Variants in CENPP observed in about 807,000 individuals in gnomAD.
CENPP encodes centromere protein P.
Under a neutral mutation model 35.6 loss-of-function variants are expected in CENPP, and 24 were observed. The observed-to-expected ratio is 0.67, with a 90% CI of 0.49 to 0.95. CENPP has a LOEUF of 0.95. Ranked by LOEUF, CENPP falls within the 40% of genes least tolerant of loss-of-function variation. CENPP has a pLI of 0.00. For missense variants in CENPP, 332 were observed against 345.3 expected (o/e 0.96, Z 0.31); for synonymous variants, 120 against 125.5 (o/e 0.96, Z 0.29).
chr9:92,533,309 A>AC (rs1848930774), intron 5 of CENPP, among the ~76,000 whole-genome samples: 28 of 75,720 alleles, frequency 3.7e-4, no homozygotes, highest in Middle Eastern at 6.2e-3. Flanking sequence ...CAAACAAAAA[A>AC]AAAAAAAAAA....
chr9:92,565,425 C>G (rs529659909), intron 5 of CENPP, among the ~76,000 whole-genome samples: 1 of 150,310 alleles, frequency 6.7e-6, no homozygotes, highest in East Asian at 2.0e-4. Context: ...CAAGCTTGTT[C>G]TACAGGAAGA....
intron 5 of CENPP, among the ~76,000 whole-genome samples, chr9:92,568,404 AG>A (rs1850051187): frequency 6.6e-6 from 1 of 152,196 alleles, no homozygotes; most frequent in Admixed American, 6.5e-5. Context: ...GTCCCTGCAA[AG>A]GACATGAACT....
intron 5 of CENPP, among the ~76,000 whole-genome samples, chr9:92,441,847 A>G (rs1588131916): frequency 6.6e-6 from 1 of 152,304 alleles, no homozygotes; most frequent in Non-Finnish European, 1.5e-5. Flanking sequence ...CAACAGACAA[A>G]CGAGTTTAAA....
At chr9:92,390,371 G>T (rs945639366) in intron 5 of CENPP, among the ~76,000 whole-genome samples, 1 of 152,168 alleles carries the variant, frequency 6.6e-6, no homozygotes, top group Non-Finnish European at 1.5e-5. Context: ...AATTCTTGTT[G>T]CAAATCATGG....
intron 5 of CENPP, among the ~76,000 whole-genome samples, chr9:92,394,201 A>G (rs1383448199): frequency 6.6e-6 from 1 of 151,994 alleles, no homozygotes; most frequent in Non-Finnish European, 1.5e-5. Flanking sequence ...TTTTATATCA[A>G]TATGAACTTG....
Position 92,522,944 on chromosome 9 carries a change from G to A in CENPP, c.565-88370G>A. 4 of 1,472,302 alleles carry A rather than the reference G, an allele frequency of 2.7e-6. No homozygotes were observed. The South Asian group carries it at 5.7e-5, about 21-fold the overall frequency. The allele number at this position is 1,472,302 out of a possible 1,614,324, so 91.2% of individuals were successfully genotyped here. A position where few individuals can be genotyped will look rare whatever the true frequency, so the allele number is the denominator to read the frequency against. ...TAGTGGTGACTAAATTTTTACTTCTGAAAATTGGCTTATATATTTGCTTGT... is the reference window on the plus strand; with the variant it reads ...TAGTGGTGACTAAATTTTTACTTCTAAAAATTGGCTTATATATTTGCTTGT... On this transcript the variant is annotated intron_variant, in intron 5 of 7. Transcript: ENST00000375587.
chr9:92,356,398 T>A (rs1449892157), intron 4 of CENPP, among the ~76,000 whole-genome samples: 1 of 152,212 alleles, frequency 6.6e-6, no homozygotes, highest in Non-Finnish European at 1.5e-5. Flanking sequence ...CAGTCAGACC[T>A]TATGGTTGTC....
At chr9:92,546,079 C>G (rs1302682341) in intron 5 of CENPP, among the ~76,000 whole-genome samples, 1 of 152,106 alleles carries the variant, frequency 6.6e-6, no homozygotes, top group African/African-American at 2.4e-5. Flanking sequence ...CACCCTGTGT[C>G]TAGCTCAGGG....
At chr9:92,349,753 T>TGCTTTG (rs1247878606) in intron 4 of CENPP, among the ~76,000 whole-genome samples, 24 of 152,350 alleles carry the variant, frequency 1.6e-4, no homozygotes, top group African/African-American at 5.8e-4. Context: ...CATATTATCT[T>TGCTTTG]TATATATGTT....
intron 5 of CENPP, among the ~76,000 whole-genome samples, chr9:92,409,337 G>A (rs1843385428): frequency 6.6e-6 from 1 of 152,208 alleles, no homozygotes; most frequent in African/African-American, 2.4e-5. Context: ...CAGGAAACCA[G>A]GGTTTTAGGT....
chr9:92,415,103 T>C, intron 5 of CENPP: 1 of 1,345,194 alleles, frequency 7.4e-7, no homozygotes, highest in Non-Finnish European at 1.0e-6. Flanking sequence ...TTTACTATAT[T>C]AAGTATAGGT....
chr9:92,376,914 G>A (rs1283503189), intron 4 of CENPP, among the ~76,000 whole-genome samples: 4 of 151,800 alleles, frequency 2.6e-5, no homozygotes, highest in African/African-American at 7.3e-5. Context: ...GCATCATGGC[G>A]CACGCCTGTA....
intron 5 of CENPP, among the ~76,000 whole-genome samples, chr9:92,413,861 G>A (rs1056441971): frequency 6.6e-6 from 1 of 152,186 alleles, no homozygotes; most frequent in Non-Finnish European, 1.5e-5. Flanking sequence ...CCTCAAAGAT[G>A]TAAAGAGCAT....
At chr9:92,438,151 C>G (rs550951801) in intron 5 of CENPP, among the ~76,000 whole-genome samples, 1 of 152,264 alleles carries the variant, frequency 6.6e-6, no homozygotes, top group South Asian at 2.1e-4. Context: ...CTTTTGGTGT[C>G]AAGTCTAAGA....
intron 4 of CENPP, among the ~76,000 whole-genome samples, chr9:92,349,693 C>A (rs555049145): frequency 1.3e-5 from 2 of 152,222 alleles, no homozygotes; most frequent in African/African-American, 4.8e-5. Flanking sequence ...TGAGCCACCA[C>A]GCCTGGCCTA....
At chr9:92,555,661 T>C (rs1849709259) in intron 5 of CENPP, among the ~76,000 whole-genome samples, 1 of 152,222 alleles carries the variant, frequency 6.6e-6, no homozygotes, top group East Asian at 1.9e-4. Context: ...TTCTAGGTTT[T>C]CTATTGTATG....
intron 5 of CENPP, among the ~76,000 whole-genome samples, chr9:92,512,949 A>G (rs1220523358): frequency 1.3e-5 from 2 of 152,168 alleles, no homozygotes; most frequent in East Asian, 1.9e-4. Flanking sequence ...TCCTTAGGTG[A>G]TCATATGAAA....
chr9:92,345,286 A>G (rs149968580), intron 3 of CENPP, among the ~76,000 whole-genome samples: 4,490 of 150,924 alleles, frequency 0.03, 99 homozygotes, highest in South Asian at 0.078. Flanking sequence ...CGAGATTGAG[A>G]CCATCCTGGC....
In CENPP at chr9:92,326,072, C is replaced by T. The variant is rs1187237847; in HGVS notation, c.74C>T (p.Pro25Leu). 7.7e-6 allele frequency: 12 copies of T among 1,560,730 alleles called. No homozygotes were observed. The highest frequency in any genetic ancestry group is 1.7e-4 in the Middle Eastern group (1 of 6,016). Reference protein sequence around the residue: ...IAALRRACEDPPAPWEEKSRV... With the variant: ...IAALRRACEDLPAPWEEKSRV... ...GCCCTGCGGCGAGCGTGTGAGGACC[C>T]ACCGGCGCCCTGGGAAGAGAAGTCC... Residue 25 changes from proline (P) to leucine (L), a missense_variant, in exon 1 of 8, where the codon CCA (proline) becomes CTA (leucine). By Grantham distance (98) the Pro-to-Leu change is moderately conservative. Transcript: ENST00000375587.
Sources: gnomAD v4.1 joint callset for allele counts (sites outside exome capture counted in the v4.1 genomes callset) on GRCh38, gnomAD v4.1.1 for gene constraint, MANE v1.5 for transcripts, NCBI Gene and HGNC (gene_info 2026-07-23, HGNC 2026-07-21) for gene names.